The following WDR81 variants were observed in gnomAD, a reference collection of about 807,000 sequenced individuals.
WDR81 encodes the protein WD repeat domain 81, also known as WD repeat-containing protein 81.
A neutral mutation model predicts 140.8 loss-of-function variants in WDR81; 92 were observed. That is an observed-to-expected ratio of 0.65 (90% CI 0.55 to 0.78). WDR81 has a LOEUF of 0.78. Ranked by LOEUF, WDR81 falls within the 30% of genes least tolerant of loss-of-function variation. WDR81 has a pLI of 0.00. For missense variants in WDR81, 2,502 were observed against 2,636.4 expected, an observed-to-expected ratio of 0.95 and a Z score of 1.12; for synonymous variants, 1,183 against 1,156.4, an observed-to-expected ratio of 1.02 and a Z score of -0.47.
In WDR81 at chr17:1,737,857, C is replaced by T. The variant is rs1905021760; in HGVS notation, c.*172C>T. The T allele has an allele frequency of 2.4e-6, 2 of 830,244 alleles. No individual in the cohort carries two copies. Among genetic ancestry groups the T allele is most frequent in the Non-Finnish European group, 3.6e-6 (2 of 548,508 alleles). The allele number at this position is 830,244 out of a possible 1,614,324, so 51.4% of individuals were successfully genotyped here. ...AAATGGAGTGGGGGAGTCCTGGCCC[C>T]TGAATCACCAGAGCCACCAAGCCTG... On this transcript the variant is annotated 3_prime_UTR_variant, in exon 10 of 10. Transcript: ENST00000409644.
chr17:1,727,161 G>A lies in WDR81; in HGVS notation c.2202G>A (p.Leu734=), dbSNP rs1439256652. The change falls in exon 1 of 10, where the codon CTG becomes CTA. Residue 734 remains leucine, a synonymous_variant. Transcript: ENST00000409644. ...ATCCCATGCAGGCCCTGGAGGAGCT[G>A]GAGAAAACGGGCAACTTCTTGGCCA... is the stretch of plus-strand genomic sequence containing the variant. ...GFNPMQALEE[L]EKTGNFLAKG... 6.5e-7 allele frequency: 1 copy of A among 1,547,870 alleles called. No individual in the cohort carries two copies. Among genetic ancestry groups the A allele is most frequent in the East Asian group, 2.4e-5 (1 of 40,866 alleles).
rs552859425 is a variant in WDR81 at position 1,729,601 on chromosome 17, A to C, written c.3668-779A>C. Among the ~76,000 whole-genome samples the C allele has an allele frequency of 2.6e-5, 4 of 152,294 alleles. No homozygotes were observed. The South Asian group carries it at 8.3e-4, about 32-fold the overall frequency. ...GGAAGAAGGTAGACAAAAATGGGCA[A>C]AAAGAAAGTCTGAAGGCTGAGGGAA... On this transcript the variant is annotated intron_variant, in intron 1 of 9. Transcript: ENST00000409644.
chr17:1,733,825 G>A lies in WDR81; in HGVS notation c.4788G>A (p.Gly1596=). The A allele has an allele frequency of 6.2e-7, 1 of 1,612,420 alleles. No homozygotes were observed. Residue 1596 remains glycine (G), a synonymous_variant, in exon 7 of 10, where the codon GGG becomes GGA. Transcript: ENST00000409644. ...TGGGTGGCGGGGGCCTGGGCAGCGG[G>A]AGCGACGACAACGCCCTGAAGCAGG... ...SGVGGGGLGS[G]SDDNALKQEL...
intron 1 of WDR81, among the ~76,000 whole-genome samples, chr17:1,728,981 C>T (rs1387711993): frequency 6.6e-6 from 1 of 152,022 alleles, no homozygotes; most frequent in East Asian, 1.9e-4. Context: ...AAAAAAACAG[C>T]TCCTGCTTCT....
intron 1 of WDR81, among the ~76,000 whole-genome samples, 175 bp from the exon 2 acceptor site, chr17:1,730,205 G>T (rs1269935868): frequency 6.6e-6 from 1 of 152,064 alleles, no homozygotes; most frequent in South Asian, 2.1e-4. Flanking sequence ...ACAGGCCAGG[G>T]CCTGGGCACC....
At chr17:1,716,659 TC>T in intron 1 of WDR81, 1 of 1,551,504 alleles carries the variant, frequency 6.4e-7, no homozygotes, top group African/African-American at 1.4e-5. Flanking sequence ...TAAACTGAGC[TC>T]GGAATCCAGC....
In WDR81 at chr17:1,727,326, G is replaced by A. The variant is rs768617202; in HGVS notation, c.2367G>A (p.Thr789=). The A allele has an allele frequency of 8.5e-5, 131 of 1,549,858 alleles. No individual in the cohort carries two copies. The highest frequency in any genetic ancestry group is 5.3e-4 in the Admixed American group (27 of 51,006). ...AEMVFATRVR[T]LQPDAPLWVR... is the part of the protein sequence containing the mutation. ...TGGTGTTTGCCACCAGGGTGCGGACGCTGCAGCCCGATGCACCTTTGTGGG... is the reference window on the plus strand; with the variant it reads ...TGGTGTTTGCCACCAGGGTGCGGACACTGCAGCCCGATGCACCTTTGTGGG... Residue 789 remains threonine (T), a synonymous_variant, in exon 1 of 10, where the codon ACG becomes ACA. Coordinates refer to ENST00000409644, the MANE Select transcript of WDR81 (RefSeq NM_001163809.2).
chr17:1,725,499 T>C lies in WDR81; in HGVS notation c.540T>C (p.Ala180=). The part of the protein sequence containing the change: ...AVPALDSVRQ[A]LQRVYGCSFL... ...CTGCCTTGGACTCAGTACGGCAGGC[T>C]CTGCAGAGGGTCTATGGTTGCTCCT... The change falls in exon 1 of 10, where the codon GCT becomes GCC. Residue 180 remains alanine, a synonymous_variant. Coordinates refer to ENST00000409644, the MANE Select transcript of WDR81 (RefSeq NM_001163809.2). The C allele has an allele frequency of 6.5e-7, 1 of 1,547,236 alleles. No individual in the cohort carries two copies. Among genetic ancestry groups the C allele is most frequent in the Non-Finnish European group, 8.7e-7 (1 of 1,146,918 alleles).
rs1229146066 is a variant in WDR81, at chr17:1,735,042, G to A, written c.5180-530G>A. ...GAGAGTCAAGAAACATCTTTAGGCC[G>A]ATGCAGTGGCTCACGCCTGTAATCT... On this transcript the variant is annotated intron_variant, in intron 7 of 9. Coordinates refer to ENST00000409644, the MANE Select transcript of WDR81 (RefSeq NM_001163809.2). The surrounding 1 kb of genome is among the most constrained non-coding windows in gnomAD (Gnocchi z 4.2). Among the ~76,000 whole-genome samples the A allele has an allele frequency of 1.3e-5, 2 of 152,098 alleles. No homozygotes were observed. The highest frequency in any genetic ancestry group is 6.6e-5 in the Admixed American group (1 of 15,258).
chr17:1,724,351 A>T (rs1009291905), upstream of WDR81, among the ~76,000 whole-genome samples: 2 of 152,144 alleles, frequency 1.3e-5, no homozygotes, highest in African/African-American at 4.8e-5. Flanking sequence ...GCGACAGAGC[A>T]AGACTCCGTC....
In WDR81 at chr17:1,732,455, C is replaced by T; in HGVS notation, c.4288C>T (p.Gln1430Ter). Reference protein sequence around the residue: ...HLSEPVATFFQVFSQLHELRQ... With the variant: ...HLSEPVATFF ...GAGCGAGCCCGTGGCCACCTTTTTC[C>T]AGGTCTTCTCTCAGCTGCATGAGCT... is the stretch of plus-strand genomic sequence containing the variant. The change falls in exon 5 of 10, where the codon CAG (glutamine) becomes TAG (stop). Residue 1430 changes from glutamine to a stop codon, truncating the protein, a stop_gained. Coordinates refer to ENST00000409644, the MANE Select transcript of WDR81 (RefSeq NM_001163809.2). LOFTEE classifies it high-confidence loss of function. 1 of 1,613,454 alleles carries T rather than the reference C, an allele frequency of 6.2e-7. No homozygotes were observed. Among genetic ancestry groups the T allele is most frequent in the Non-Finnish European group, 8.5e-7 (1 of 1,180,006 alleles).
upstream of WDR81, among the ~76,000 whole-genome samples, chr17:1,722,131 A>C (rs1285862509): frequency 6.6e-6 from 1 of 152,134 alleles, no homozygotes; most frequent in African/African-American, 2.4e-5. Flanking sequence ...CTTAAAAAAA[A>C]AAATCTTCTT....
intron 1 of WDR81, among the ~76,000 whole-genome samples, 197 bp from the exon 2 acceptor site, chr17:1,730,183 A>C (rs1567722852): frequency 6.6e-6 from 1 of 152,192 alleles, no homozygotes; most frequent in East Asian, 1.9e-4. Context: ...AACCTGCGGC[A>C]GCCAGAGTCC....
In WDR81 at chr17:1,725,760, G is replaced by A; in HGVS notation, c.801G>A (p.Val267=). 6.4e-7 allele frequency: 1 copy of A among 1,550,650 alleles called. No individual in the cohort carries two copies. The highest frequency in any genetic ancestry group is 8.7e-7 in the Non-Finnish European group (1 of 1,147,028). ...QAKVLFILFR[V]LRAMDACHRQ... The stretch of plus-strand genomic sequence containing the variant: ...AGGTGCTGTTCATTCTCTTCCGCGT[G>A]CTGAGGGCTATGGACGCCTGTCACC... The change falls in exon 1 of 10, where the codon GTG becomes GTA. Residue 267 remains valine, a synonymous_variant. Coordinates refer to ENST00000409644, the MANE Select transcript of WDR81 (RefSeq NM_001163809.2).
In WDR81 at chr17:1,735,742, C is replaced by T. The variant is rs1331833679; in HGVS notation, c.5325+25C>T. On this transcript the variant is annotated intron_variant, in intron 8 of 9. Coordinates refer to ENST00000409644, the MANE Select transcript of WDR81 (RefSeq NM_001163809.2). The surrounding 1 kb of genome is among the most constrained non-coding windows in gnomAD (Gnocchi z 4.2). ...GGTCAGGGGGGTCCAGTTCCCTGAG[C>T]ACTCGCCTGGTTCTCTGGGGACCTG... is the stretch of plus-strand genomic sequence containing the variant. 1.6e-5 allele frequency: 25 copies of T among 1,589,818 alleles called. No individual in the cohort carries two copies. The highest frequency in any genetic ancestry group is 2.0e-5 in the Non-Finnish European group (23 of 1,167,284).
chr17:1,725,192 G>A lies in WDR81; in HGVS notation c.233G>A (p.Arg78His). 1 of 1,537,174 alleles carries A rather than the reference G, an allele frequency of 6.5e-7. No homozygotes were observed. Among genetic ancestry groups the A allele is most frequent in the Non-Finnish European group, 8.7e-7 (1 of 1,146,426 alleles). The change falls in exon 1 of 10, where the codon CGC becomes CAC. Residue 78 changes from arginine to histidine, a missense_variant. Arg to His is a conservative substitution (Grantham distance 29). Around this residue, in one of 3 missense-constraint regions of WDR81, gnomAD observed 547 missense variants for 513.8 expected, o/e 1.06. Coordinates refer to ENST00000409644, the MANE Select transcript of WDR81 (RefSeq NM_001163809.2). ...DRRLPLGPCP[R>H]AEGLGEAEVR... The stretch of plus-strand genomic sequence containing the variant: ...CGGCTGCCCCTGGGACCCTGTCCCC[G>A]CGCAGAGGGCCTGGGAGAAGCGGAA...
In WDR81 at chr17:1,735,681, C is replaced by G. The variant is rs1904803586; in HGVS notation, c.5289C>G (p.Thr1763=). The change falls in exon 8 of 10, where the codon ACC becomes ACG. Residue 1763 remains threonine (T), a synonymous_variant. Coordinates refer to ENST00000409644, the MANE Select transcript of WDR81 (RefSeq NM_001163809.2). The surrounding 1 kb of genome is among the most constrained non-coding windows in gnomAD (Gnocchi z 4.2). ...TSITMASSDS[T]LRFVDCRKPG... ...TCACCATGGCCAGCTCTGACTCTAC[C>G]CTGCGCTTTGTGGACTGCAGGAAGC... 5.0e-6 allele frequency: 8 copies of G among 1,612,966 alleles called. No individual in the cohort carries two copies. The East Asian group carries it at 1.3e-4, about 27-fold the overall frequency.
At position 1,730,799 on chromosome 17, in the gene WDR81, C is replaced by T; in HGVS notation, c.3820C>T (p.Pro1274Ser). 3.1e-6 allele frequency: 5 copies of T among 1,612,324 alleles called. No homozygotes were observed. The highest frequency in any genetic ancestry group is 1.1e-5 in the South Asian group (1 of 91,070). The stretch of plus-strand genomic sequence containing the variant: ...CACAGTGAGCAGTGGCGAGAGCCCA[C>T]CGCTGAGCGCCGGCAACATCTACCA... Reference protein sequence around the residue: ...QFTVSSGESPPLSAGNIYQKR... With the variant: ...QFTVSSGESPSLSAGNIYQKR... Residue 1274 changes from proline (P) to serine (S), a missense_variant, in exon 3 of 10, where the codon CCG becomes TCG. Transcript: ENST00000409644.
Position 1,727,745 on chromosome 17 carries a change from TCTCA to T in WDR81, c.2791_2794del (p.Leu931CysfsTer32). Reference sequence around the variant, plus strand: ...CTGGAGATCCTGCTGCCCTTCGTGCTCTCACTCATGTCCGAGGAGCACACAGCTG... The same window carrying T: ...CTGGAGATCCTGCTGCCCTTCGTGCTCTCATGTCCGAGGAGCACACAGCTG... On this transcript the variant is annotated frameshift_variant, in exon 1 of 10. Coordinates refer to ENST00000409644, the MANE Select transcript of WDR81 (RefSeq NM_001163809.2). LOFTEE classifies it high-confidence loss of function. 1 of 1,550,706 alleles carries T rather than the reference TCTCA, an allele frequency of 6.4e-7. No homozygotes were observed. Among genetic ancestry groups the T allele is most frequent in the Non-Finnish European group, 8.7e-7 (1 of 1,146,994 alleles).
Sources: allele counts gnomAD v4.1 joint callset (sites outside exome capture counted in the v4.1 genomes callset), GRCh38; gene constraint gnomAD v4.1.1; regional missense constraint gnomAD v4.1.1; non-coding constraint Gnocchi (gnomAD v3.1); transcripts MANE v1.5; gene names NCBI Gene and HGNC (gene_info 2026-07-23, HGNC 2026-07-21).